Variants in ANGEL2 observed in about 807,000 individuals in gnomAD.
ANGEL2 encodes angel homolog 2.
In ANGEL2, 41 loss-of-function variants were observed where a neutral mutation model predicts 66.0. The ratio of observed to expected loss-of-function variants is 0.62; its 90% CI spans 0.48 to 0.81. The LOEUF is 0.81. Ranked by LOEUF, ANGEL2 falls within the 30% of genes least tolerant of loss-of-function variation. The pLI, the probability that ANGEL2 is intolerant of heterozygous loss-of-function variation, is 0.00. For missense variants in ANGEL2, 561 were observed against 641.6 expected (o/e 0.87, Z 1.36); for synonymous variants, 208 against 226.5 (o/e 0.92, Z 0.73).
intron 5 of ANGEL2, among the ~76,000 whole-genome samples, chr1:213,003,868 A>T (rs534792582): frequency 2.6e-4 from 39 of 152,304 alleles, no homozygotes; most frequent in Middle Eastern, 6.8e-3. Context: ...AATAAAATGA[A>T]GTATACCTGT....
chr1:212,994,137 T>C lies in ANGEL2; in HGVS notation c.*904A>G, dbSNP rs1417821766. 6.6e-6 allele frequency: 1 copy of C among 152,012 alleles called. No individual in the cohort carries two copies. Among genetic ancestry groups the C allele is most frequent in the Non-Finnish European group, 1.5e-5 (1 of 68,018 alleles). The allele number at this position is 152,012 out of a possible 1,614,324, so 9.4% of individuals were successfully genotyped here. On this transcript the variant is annotated 3_prime_UTR_variant, in exon 9 of 9. Coordinates refer to ENST00000366962, the MANE Select transcript of ANGEL2 (RefSeq NM_144567.5). ...TCTCTACTGAAAATACAAAATTAGC[T>C]GGGAGTGGTGACGCATGCCTGTAAT...
chr1:213,000,378 C>T lies in ANGEL2; in HGVS notation c.1267G>A (p.Asp423Asn). ...TGCTTCAGCTGTGTTTGTGTCAGAT[C>T]ACTGTCTGTAAGAATAGAGGAAAAT... ...QVPKVEKTDS[D>N]LTQTQLKQTE... is the part of the protein sequence containing the mutation. The change falls in exon 7 of 9, where the codon GAT becomes AAT. Residue 423 changes from aspartate (D) to asparagine (N), a missense_variant. Coordinates refer to ENST00000366962, the MANE Select transcript of ANGEL2 (RefSeq NM_144567.5). 1 of 1,613,220 alleles carries T rather than the reference C, an allele frequency of 6.2e-7. No individual in the cohort carries two copies. The highest frequency in any genetic ancestry group is 8.5e-7 in the Non-Finnish European group (1 of 1,179,276).
chr1:212,996,640 A>AAAAAAAATAT (rs56102625), intron 8 of ANGEL2, among the ~76,000 whole-genome samples: 23 of 66,470 alleles, frequency 3.5e-4, no homozygotes, highest in African/African-American at 6.2e-4. Flanking sequence ...AAAAAAAAAA[A>AAAAAAAATAT]ATATATATAT....
In ANGEL2 at chr1:212,994,928, C is replaced by G; in HGVS notation, c.*113G>C. 1 of 956,432 alleles carries G rather than the reference C, an allele frequency of 1.0e-6. No individual in the cohort carries two copies. 59.2% of individuals were successfully genotyped at this position (956,432 alleles called of 1,614,324 possible). A position where few individuals can be genotyped will look rare whatever the true frequency, so the allele number is the denominator to read the frequency against. On this transcript the variant is annotated 3_prime_UTR_variant, in exon 9 of 9. Coordinates refer to ENST00000366962, the MANE Select transcript of ANGEL2 (RefSeq NM_144567.5). ...GGAGTTTCAAAGCATCTAACATAACCGCTTCAGAATCTCCACAGTGCAAAA... is the reference window on the plus strand; with the variant it reads ...GGAGTTTCAAAGCATCTAACATAACGGCTTCAGAATCTCCACAGTGCAAAA...
intron 8 of ANGEL2, among the ~76,000 whole-genome samples, chr1:212,996,351 G>A (rs1384979601): frequency 6.6e-6 from 1 of 151,354 alleles, no homozygotes; most frequent in Admixed American, 6.6e-5. Flanking sequence ...CTGACCGAAT[G>A]TGGTGGCTCA....
Position 212,995,035 on chromosome 1 carries a change from A to G in ANGEL2, c.*6T>C. 6.3e-7 allele frequency: 1 copy of G among 1,597,096 alleles called. No individual in the cohort carries two copies. Among genetic ancestry groups the G allele is most frequent in the Non-Finnish European group, 8.5e-7 (1 of 1,173,262 alleles). On this transcript the variant is annotated 3_prime_UTR_variant, in exon 9 of 9. Transcript: ENST00000366962. The stretch of plus-strand genomic sequence containing the variant: ...GGAAAGAAAATTAGTATGTGATCAA[A>G]GAGAGTCAGAGCTCAAGTCTGAACT...
intron 4 of ANGEL2, among the ~76,000 whole-genome samples, chr1:213,005,810 C>G (rs1413896093): frequency 1.3e-5 from 2 of 152,170 alleles, no homozygotes; most frequent in African/African-American, 2.4e-5. Flanking sequence ...TCATTCCAAT[C>G]TCACTGGCCT....
intron 2 of ANGEL2, among the ~76,000 whole-genome samples, chr1:213,011,974 C>T (rs775274768): frequency 5.9e-5 from 9 of 152,254 alleles, no homozygotes; most frequent in Non-Finnish European, 1.0e-4. Flanking sequence ...TGTTTATCTC[C>T]CTATGCTGTG....
Position 213,000,895 on chromosome 1 carries a change from CTG to C in ANGEL2, c.1150_1151del (p.Gln384ValfsTer26). On this transcript the variant is annotated frameshift_variant, in exon 6 of 9. Transcript: ENST00000366962. LOFTEE classifies it high-confidence loss of function. ...ATAAAATTCTTTGTCCCCGTGAAGA[CTG>C]TTCCTGGCCAGATACCTAAACAAAA... ...LPIGKVSGQEQSSRGQRILSI... is the reference protein window; with the variant it reads ...LPIGKVSGQEXSSRGQRILSI... 1 of 1,611,662 alleles carries C rather than the reference CTG, an allele frequency of 6.2e-7. No homozygotes were observed. Among genetic ancestry groups the C allele is most frequent in the Admixed American group, 1.7e-5 (1 of 59,036 alleles).
intron 7 of ANGEL2, 69 bp from the exon 8 acceptor site, chr1:212,997,387 T>G: frequency 1.4e-6 from 2 of 1,396,096 alleles, no homozygotes; most frequent in Non-Finnish European, 2.0e-6. Flanking sequence ...CTATCTGAAT[T>G]TCTTTTTCAC....
At chr1:213,010,299 T>C (rs762611139) in intron 2 of ANGEL2, among the ~76,000 whole-genome samples, 129 of 151,604 alleles carry the variant, frequency 8.5e-4, no homozygotes, top group Non-Finnish European at 8.3e-4. Flanking sequence ...TGGCCGGGCG[T>C]GGTGGCTCAC....
At chr1:213,007,790 C>A (rs1558185579) in intron 3 of ANGEL2, among the ~76,000 whole-genome samples, 1 of 152,062 alleles carries the variant, frequency 6.6e-6, no homozygotes, top group Non-Finnish European at 1.5e-5. Context: ...TTTCTTACCC[C>A]ACAAACAAAA....
In ANGEL2 at chr1:213,015,213, C is replaced by T. The variant is rs185617545; in HGVS notation, c.59+400G>A. ...ACACGCGCCTCCAAGGGATCAGGCC[C>T]GCCGAGACCTACTGCGGAGAGGCGG... On this transcript the variant is annotated intron_variant, in intron 1 of 8. Coordinates refer to ENST00000366962, the MANE Select transcript of ANGEL2 (RefSeq NM_144567.5). The T allele has an allele frequency of 2.3e-4, 240 of 1,053,318 alleles. 3 individuals carry two copies. In the Admixed American group the frequency reaches 0.011, roughly 48 times the overall value. 65.2% of individuals were successfully genotyped at this position (1,053,318 alleles called of 1,614,324 possible).
intron 5 of ANGEL2, chr1:213,002,361 T>G (rs1477037205): frequency 6.6e-6 from 1 of 152,264 alleles, no homozygotes. Flanking sequence ...TAAAATATTC[T>G]ATGCCATAAA....
Position 213,015,709 on chromosome 1 carries a change from G to C in ANGEL2, c.-38C>G, listed in dbSNP as rs376503491. ...CGTGCGTCCAGTTCCCAGGCCCCGG[G>C]TTCCACCTCAATCTCTATAATCGAT... On this transcript the variant is annotated 5_prime_UTR_variant, in exon 1 of 9. Transcript: ENST00000366962. 9.3e-6 allele frequency: 15 copies of C among 1,613,802 alleles called. No homozygotes were observed. Among genetic ancestry groups the C allele is most frequent in the Non-Finnish European group, 1.0e-5 (12 of 1,179,922 alleles).
At chr1:212,996,938 TG>T (rs1489498164) in intron 8 of ANGEL2, among the ~76,000 whole-genome samples, 13 of 152,112 alleles carry the variant, frequency 8.5e-5, no homozygotes, top group Non-Finnish European at 1.6e-4. Context: ...ATGTAATTCT[TG>T]GGTAATAATT....
intron 5 of ANGEL2, chr1:213,001,174 T>C (rs952028485): frequency 2.5e-6 from 1 of 398,748 alleles, no homozygotes; most frequent in African/African-American, 2.1e-5. Context: ...TCTATCGCTT[T>C]GAACTAACAC....
chr1:213,000,030 T>C (rs2076136946), intron 7 of ANGEL2, among the ~76,000 whole-genome samples: 1 of 152,224 alleles, frequency 6.6e-6, no homozygotes, highest in Non-Finnish European at 1.5e-5. Context: ...CCTAGGTGCC[T>C]AGGTATGTTT....
At chr1:213,002,043 TG>T (rs2076191348) in intron 5 of ANGEL2, 1 of 154,150 alleles carries the variant, frequency 6.5e-6, no homozygotes, top group Non-Finnish European at 1.4e-5. Flanking sequence ...ACGAATGTTC[TG>T]AATAGCATTT....
Sources: gnomAD v4.1 joint callset for allele counts (sites outside exome capture counted in the v4.1 genomes callset) on GRCh38, gnomAD v4.1.1 for gene constraint, MANE v1.5 for transcripts, NCBI Gene and HGNC (gene_info 2026-07-23, HGNC 2026-07-21) for gene names.